The following KCTD16 variants were observed in gnomAD, a reference collection of about 807,000 sequenced individuals.
The protein encoded by KCTD16 is BTB/POZ domain-containing protein KCTD16.
KCTD16 carries 13 observed loss-of-function variants against 33.2 expected under a neutral mutation model. That is an observed-to-expected ratio of 0.39 (90% CI 0.25 to 0.62). The LOEUF (loss-of-function observed/expected upper bound fraction) is 0.62, where lower values mean the gene tolerates loss of function less well. KCTD16 is among the 20% of genes least tolerant of loss of function. KCTD16 has a pLI of 0.50. For missense variants in KCTD16, 441 were observed against 525.1 expected (o/e 0.84, Z 1.57); for synonymous variants, 197 against 195.3 (o/e 1.01, Z -0.07).
chr5:144,441,547 C>G (rs2126977452), intron 3 of KCTD16, among the ~76,000 whole-genome samples: 1 of 152,050 alleles, frequency 6.6e-6, no homozygotes, highest in Non-Finnish European at 1.5e-5. Context: ...TGTGGATATC[C>G]AGTTGTCCCA....
intron 3 of KCTD16, among the ~76,000 whole-genome samples, chr5:144,218,813 T>C (rs1440675866): frequency 1.3e-5 from 2 of 152,168 alleles, no homozygotes; most frequent in Non-Finnish European, 2.9e-5. Context: ...ACTCAGGAGG[T>C]GCTCAGTAAA....
intron 3 of KCTD16, among the ~76,000 whole-genome samples, chr5:144,407,195 A>AGTT (rs1329417611): frequency 8.8e-6 from 1 of 113,080 alleles, no homozygotes; most frequent in African/African-American, 3.8e-5. Context: ...TTTTAAAAAA[A>AGTT]TTCCTGTTTT....
At chr5:144,342,239 G>C (rs985025915) in intron 3 of KCTD16, among the ~76,000 whole-genome samples, 2 of 152,042 alleles carry the variant, frequency 1.3e-5, no homozygotes, top group Non-Finnish European at 2.9e-5. Flanking sequence ...TTTGTATCCT[G>C]TTTTATTTCA....
intron 2 of KCTD16, among the ~76,000 whole-genome samples, chr5:144,192,928 G>A (rs1752872146): frequency 6.6e-6 from 1 of 152,218 alleles, no homozygotes. Flanking sequence ...GGCAAATAAT[G>A]GCATCTTTAG....
chr5:144,252,937 A>T, intron 3 of KCTD16, among the ~76,000 whole-genome samples: 1 of 126,150 alleles, frequency 7.9e-6, no homozygotes. Context: ...TTCCCTTTTC[A>T]CTGTGAATTG....
intron 2 of KCTD16, among the ~76,000 whole-genome samples, chr5:144,180,995 C>T (rs914902447): frequency 5.6e-4 from 84 of 151,332 alleles, no homozygotes; most frequent in Non-Finnish European, 7.4e-4. Context: ...TGCAGTGGCG[C>T]GATCTCGGCT....
Position 144,438,693 on chromosome 5 carries a change from A to G in KCTD16, c.833-34967A>G, listed in dbSNP as rs186306435. 1.9e-4 allele frequency among the ~76,000 whole-genome samples: 29 copies of G among 152,318 alleles called. 1 individual carries two copies. The East Asian group carries it at 5.6e-3, about 29-fold the overall frequency. ...CCTTAGAGCACAGGTGGAGACAGCC[A>G]CTTGAAGCCTATGGACTGAGAATGG... On this transcript the variant is annotated intron_variant, in intron 3 of 3. Coordinates refer to ENST00000512467, the MANE Select transcript of KCTD16 (RefSeq NM_020768.4).
chr5:144,441,543 T>C (rs1420885212), intron 3 of KCTD16, among the ~76,000 whole-genome samples: 1 of 152,154 alleles, frequency 6.6e-6, no homozygotes, highest in Non-Finnish European at 1.5e-5. Context: ...TGCATGTGGA[T>C]ATCCAGTTGT....
At chr5:144,187,508 A>G (rs1375755130) in intron 2 of KCTD16, among the ~76,000 whole-genome samples, 1 of 152,188 alleles carries the variant, frequency 6.6e-6, no homozygotes, top group Non-Finnish European at 1.5e-5. Context: ...TCTTCTAGCT[A>G]TAACAAAATA....
chr5:144,423,700 C>T (rs1014510734), intron 3 of KCTD16, among the ~76,000 whole-genome samples: 1 of 152,098 alleles, frequency 6.6e-6, no homozygotes, highest in Non-Finnish European at 1.5e-5. Flanking sequence ...TGAACTAACC[C>T]AGTGGAGATG....
At chr5:144,470,881 T>C (rs1754453136) in intron 3 of KCTD16, among the ~76,000 whole-genome samples, 1 of 152,186 alleles carries the variant, frequency 6.6e-6, no homozygotes, top group Non-Finnish European at 1.5e-5. Flanking sequence ...GTTTGTGTTG[T>C]TAAAATAACT....
chr5:144,460,054 G>A (rs1754159196), intron 3 of KCTD16, among the ~76,000 whole-genome samples: 1 of 151,230 alleles, frequency 6.6e-6, no homozygotes, highest in African/African-American at 2.4e-5. Context: ...GGATGGTCTC[G>A]ATATCCTGAC....
intron 3 of KCTD16, among the ~76,000 whole-genome samples, chr5:144,330,467 A>G (rs1301851549): frequency 2.0e-5 from 3 of 151,926 alleles, no homozygotes; most frequent in African/African-American, 7.3e-5. Flanking sequence ...GGGATTATAA[A>G]AATAATCTGA....
At chr5:144,459,088 A>G (rs1251754674) in intron 3 of KCTD16, among the ~76,000 whole-genome samples, 1 of 152,244 alleles carries the variant, frequency 6.6e-6, no homozygotes, top group African/African-American at 2.4e-5. Flanking sequence ...TAGAGGATGT[A>G]CAGGAACTGG....
chr5:144,436,111 T>C (rs1480293962), intron 3 of KCTD16, among the ~76,000 whole-genome samples: 1 of 152,220 alleles, frequency 6.6e-6, no homozygotes, highest in African/African-American at 2.4e-5. Flanking sequence ...AGGTGACCTG[T>C]TGTGCAGATG....
At position 144,207,263 on chromosome 5, in the gene KCTD16, T is replaced by C. The variant is rs761889328; in HGVS notation, c.549T>C (p.Asp183=). Residue 183 remains aspartate (D), a synonymous_variant, in exon 3 of 4, where the codon GAT becomes GAC. Transcript: ENST00000512467. The part of the protein sequence containing the change: ...SCTLGREGQA[D]AKFRRVPRIL... Reference sequence around the variant, plus strand: ...CCTTGGGCAGAGAGGGACAGGCAGATGCCAAGTTTCGGAGAGTTCCCCGGA... The same window carrying C: ...CCTTGGGCAGAGAGGGACAGGCAGACGCCAAGTTTCGGAGAGTTCCCCGGA... The C allele has an allele frequency of 1.2e-6, 2 of 1,614,098 alleles. No individual in the cohort carries two copies. Among genetic ancestry groups the C allele is most frequent in the Non-Finnish European group, 1.7e-6 (2 of 1,180,048 alleles).
At chr5:144,209,300 A>T (rs1753291746) in intron 3 of KCTD16, among the ~76,000 whole-genome samples, 1 of 152,160 alleles carries the variant, frequency 6.6e-6, no homozygotes, top group Non-Finnish European at 1.5e-5. Context: ...TGTTCATCAA[A>T]GGCTCATCTG....
At chr5:144,172,203 T>A (rs950319823) in intron 1 of KCTD16, among the ~76,000 whole-genome samples, 2 of 151,824 alleles carry the variant, frequency 1.3e-5, no homozygotes, top group African/African-American at 4.8e-5. Flanking sequence ...CCAAAAAACC[T>A]AGGATTGTAC....
At chr5:144,441,975 A>T (rs909461915) in intron 3 of KCTD16, among the ~76,000 whole-genome samples, 5 of 152,056 alleles carry the variant, frequency 3.3e-5, no homozygotes, top group African/African-American at 4.8e-5. Context: ...TCAACATTTT[A>T]AAAAAGTTTA....
Sources: gnomAD v4.1 joint callset for allele counts (sites outside exome capture counted in the v4.1 genomes callset) on GRCh38, gnomAD v4.1.1 for gene constraint, MANE v1.5 for transcripts, NCBI Gene and HGNC (gene_info 2026-07-23, HGNC 2026-07-21) for gene names.